Variants in ZNF35 observed in about 807,000 individuals in gnomAD.
The protein encoded by ZNF35 is zinc finger protein 35 (clone HF.10).
A neutral mutation model predicts 45.9 loss-of-function variants in ZNF35; 31 were observed. That is an observed-to-expected ratio of 0.68 (90% CI 0.51 to 0.91). The LOEUF (loss-of-function observed/expected upper bound fraction) is 0.91. ZNF35 is among the 40% of genes least tolerant of loss of function. The pLI, the probability that ZNF35 is intolerant of heterozygous loss-of-function variation, is 0.00. For synonymous variants in ZNF35, 205 were observed against 220.2 expected (o/e 0.93, Z 0.61); for missense variants, 515 against 625.4 (o/e 0.82, Z 1.88).
In ZNF35 at chr3:44,659,154, A is replaced by G; in HGVS notation, c.791A>G (p.Asn264Ser). 6.2e-7 allele frequency: 1 copy of G among 1,613,972 alleles called. No homozygotes were observed. Among genetic ancestry groups the G allele is most frequent in the Non-Finnish European group, 8.5e-7 (1 of 1,179,962 alleles). Reference sequence around the variant, plus strand: ...GGGAAGGCCTTCATTCAGAGTGCAAACCTCGTTGTGCATCAGAGAATCCAC... The same window carrying G: ...GGGAAGGCCTTCATTCAGAGTGCAAGCCTCGTTGTGCATCAGAGAATCCAC... ...ECGKAFIQSANLVVHQRIHTG... is the reference protein window; with the variant it reads ...ECGKAFIQSASLVVHQRIHTG... Residue 264 changes from asparagine to serine, a missense_variant, in exon 4 of 4, where the codon AAC becomes AGC. Asn to Ser is a conservative substitution (Grantham distance 46, BLOSUM62 1). This residue lies in a region of ZNF35 where 8 missense variants were observed against 25.1 expected (regional missense o/e 0.32). Transcript: ENST00000396056. The surrounding 1 kb of genome is among the most constrained non-coding windows in gnomAD (Gnocchi z 4.3).
chr3:44,652,531 T>C, intron 2 of ZNF35, 26 bp from the exon 3 acceptor site: 1 of 1,538,406 alleles, frequency 6.5e-7, no homozygotes. Context: ...CAGTTCCCTC[T>C]TAAACATGTG....
chr3:44,659,870 G>A lies in ZNF35; in HGVS notation c.1507G>A (p.Glu503Lys). 6.2e-7 allele frequency: 1 copy of A among 1,611,194 alleles called. No homozygotes were observed. Among genetic ancestry groups the A allele is most frequent in the South Asian group, 1.1e-5 (1 of 90,702 alleles). ...QRTHTGEKPY[E>K]CEKCGAAFIS... Reference sequence around the variant, plus strand: ...AACCCACACTGGGGAGAAGCCCTATGAATGTGAGAAGTGTGGTGCAGCTTT... The same window carrying A: ...AACCCACACTGGGGAGAAGCCCTATAAATGTGAGAAGTGTGGTGCAGCTTT... Residue 503 changes from glutamate (E) to lysine (K), a missense_variant, in exon 4 of 4, where the codon GAA becomes AAA. Glu to Lys is a moderately conservative substitution (Grantham distance 56, BLOSUM62 1). Around this residue, in one of 3 missense-constraint regions of ZNF35, gnomAD observed 232 missense variants for 304.6 expected, o/e 0.76. Coordinates refer to ENST00000396056, the MANE Select transcript of ZNF35 (RefSeq NM_003420.4). The surrounding 1 kb of genome is among the most constrained non-coding windows in gnomAD (Gnocchi z 4.3).
intron 1 of ZNF35, 42 bp from the exon 2 acceptor site, chr3:44,650,899 C>T (rs1703190331): frequency 1.5e-6 from 1 of 653,196 alleles, no homozygotes; most frequent in African/African-American, 1.8e-5. Flanking sequence ...TGGCATCCAG[C>T]AAATCTCTCC....
upstream of ZNF35, chr3:44,646,641 G>A: frequency 4.3e-6 from 3 of 703,554 alleles, no homozygotes; most frequent in Non-Finnish European, 2.6e-6. Context: ...AATTGTTCAA[G>A]CTGTCTTGAG....
Position 44,660,043 on chromosome 3 carries a change from G to A in ZNF35, c.*96G>A. On this transcript the variant is annotated 3_prime_UTR_variant, in exon 4 of 4. Transcript: ENST00000396056. Reference sequence around the variant, plus strand: ...TGTTTTCTTCCTCCTCTATAAAAGTGAGGGCTGTGTCCTTAAAAGTTATAG... The same window carrying A: ...TGTTTTCTTCCTCCTCTATAAAAGTAAGGGCTGTGTCCTTAAAAGTTATAG... The A allele has an allele frequency of 7.7e-7, 1 of 1,303,380 alleles. No homozygotes were observed. Among genetic ancestry groups the A allele is most frequent in the Non-Finnish European group, 1.0e-6 (1 of 965,962 alleles). 80.7% of individuals were successfully genotyped at this position (1,303,380 alleles called of 1,614,324 possible).
At chr3:44,656,393 AT>A (rs35391505) in intron 3 of ZNF35, among the ~76,000 whole-genome samples, 42,284 of 144,084 alleles carry the variant, frequency 0.29, 6,447 homozygotes, top group African/African-American at 0.34. Flanking sequence ...AGCATTTCAG[AT>A]TTTTTTTTTT....
At chr3:44,652,105 C>CT (rs1293507079) in intron 2 of ZNF35, among the ~76,000 whole-genome samples, 1 of 152,198 alleles carries the variant, frequency 6.6e-6, no homozygotes, top group East Asian at 1.9e-4. Context: ...TTGCACCACA[C>CT]TTTGATTCAT....
Position 44,659,440 on chromosome 3 carries a change from G to A in ZNF35, c.1077G>A (p.Glu359=), listed in dbSNP as rs758498546. The A allele has an allele frequency of 1.9e-6, 3 of 1,613,582 alleles. No homozygotes were observed. In the East Asian group the frequency reaches 6.7e-5, roughly 36 times the overall value. The change falls in exon 4 of 4, where the codon GAG becomes GAA. Residue 359 remains glutamate (E), a synonymous_variant. Transcript: ENST00000396056. The surrounding 1 kb of genome is among the most constrained non-coding windows in gnomAD (Gnocchi z 4.3). ...TCCACCAGAGGATCCACACTGGGGA[G>A]AAGCCCTTTGCCTGTAACGACTGTG... ...LIVHQRIHTG[E]KPFACNDCGK...
chr3:44,659,555 G>A lies in ZNF35; in HGVS notation c.1192G>A (p.Ala398Thr), dbSNP rs1414023237. ...KPYECKECGK[A>T]FSCFSHLIVH... ...ATATGAGTGTAAAGAGTGTGGGAAA[G>A]CCTTTAGTTGTTTTTCACACCTTAT... is the stretch of plus-strand genomic sequence containing the variant. Residue 398 changes from alanine to threonine, a missense_variant, in exon 4 of 4, where the codon GCC (alanine) becomes ACC (threonine). Coordinates refer to ENST00000396056, the MANE Select transcript of ZNF35 (RefSeq NM_003420.4). This position sits in a 1 kb window ranked among gnomAD's most constrained non-coding sequence, Gnocchi z 4.3. 1 of 1,613,890 alleles carries A rather than the reference G, an allele frequency of 6.2e-7. No individual in the cohort carries two copies. Among genetic ancestry groups the A allele is most frequent in the African/African-American group, 1.3e-5 (1 of 74,868 alleles).
upstream of ZNF35, chr3:44,647,729 A>G (rs2125832970): frequency 6.6e-6 from 1 of 152,340 alleles, no homozygotes; most frequent in East Asian, 1.9e-4. Flanking sequence ...ATATTCATAT[A>G]ACATTCTCAA....
chr3:44,650,952 C>A lies in ZNF35; in HGVS notation c.-116C>A. 1 of 984,434 alleles carries A rather than the reference C, an allele frequency of 1.0e-6. No homozygotes were observed. Among genetic ancestry groups the A allele is most frequent in the Non-Finnish European group, 1.5e-6 (1 of 675,490 alleles). 61.0% of individuals were successfully genotyped at this position (984,434 alleles called of 1,614,324 possible). A position where few individuals can be genotyped will look rare whatever the true frequency, so the allele number is the denominator to read the frequency against. Reference sequence around the variant, plus strand: ...TTCTGATTTCTCAGTAGGCAGTACTCATCTTGGCCCTGGGAAGAAACTCAA... The same window carrying A: ...TTCTGATTTCTCAGTAGGCAGTACTAATCTTGGCCCTGGGAAGAAACTCAA... On this transcript the variant is annotated 5_prime_UTR_variant, in exon 2 of 4. Coordinates refer to ENST00000396056, the MANE Select transcript of ZNF35 (RefSeq NM_003420.4).
chr3:44,651,271 C>T lies in ZNF35; in HGVS notation c.192+12C>T, dbSNP rs947456505. Reference sequence around the variant, plus strand: ...AAGAGGAAGAAAAGGTAAACGGGGGCCTGAGAGGAAGAGGGGAGGAGATAC... The same window carrying T: ...AAGAGGAAGAAAAGGTAAACGGGGGTCTGAGAGGAAGAGGGGAGGAGATAC... On this transcript the variant is annotated intron_variant, in intron 2 of 3. Transcript: ENST00000396056. The T allele has an allele frequency of 6.2e-7, 1 of 1,608,282 alleles. No homozygotes were observed. The highest frequency in any genetic ancestry group is 8.5e-7 in the Non-Finnish European group (1 of 1,177,650).
intron 1 of ZNF35, among the ~76,000 whole-genome samples, chr3:44,649,097 G>T (rs757046215): frequency 3.9e-5 from 6 of 152,222 alleles, no homozygotes; most frequent in Non-Finnish European, 7.3e-5. Flanking sequence ...GCCTATACGT[G>T]GAAAGAATGG....
Position 44,658,907 on chromosome 3 carries a change from T to C in ZNF35, c.544T>C (p.Cys182Arg). 3.7e-6 allele frequency: 6 copies of C among 1,613,142 alleles called. No individual in the cohort carries two copies. Among genetic ancestry groups the C allele is most frequent in the Non-Finnish European group, 4.2e-6 (5 of 1,179,830 alleles). ...TTTCAGACAAGTGATAGTGAATGACTGTCACTTACCTGAAAGCTTCAAAGA... is the reference window on the plus strand; with the variant it reads ...TTTCAGACAAGTGATAGTGAATGACCGTCACTTACCTGAAAGCTTCAAAGA... ...KDFRQVIVND[C>R]HLPESFKEEE... Residue 182 changes from cysteine to arginine, a missense_variant, in exon 4 of 4, where the codon TGT (cysteine) becomes CGT (arginine). Physicochemically the swap from Cys to Arg is radical, Grantham distance 180. Transcript: ENST00000396056.
Position 44,653,627 on chromosome 3 carries a change from GC to G in ZNF35, c.337+927del, listed in dbSNP as rs1395837282. Among the ~76,000 whole-genome samples, 12 of 152,320 alleles carry G rather than the reference GC, an allele frequency of 7.9e-5. No homozygotes were observed. In the South Asian group the frequency reaches 2.5e-3, roughly 32 times the overall value. On this transcript the variant is annotated intron_variant, in intron 3 of 3. Coordinates refer to ENST00000396056, the MANE Select transcript of ZNF35 (RefSeq NM_003420.4). ...TTGTGCAAATTATAGAGGATTTTGA[GC>G]AGCTGTGTTAACCATAATGATGTTC...
At chr3:44,648,454 A>G (rs990127540), upstream of ZNF35, 1 of 152,212 alleles carries the variant, frequency 6.6e-6, no homozygotes, top group African/African-American at 2.4e-5. Context: ...TCAAAATAAA[A>G]CATTTGAGGG....
chr3:44,653,542 A>G (rs1356293330), intron 3 of ZNF35, among the ~76,000 whole-genome samples: 1 of 152,240 alleles, frequency 6.6e-6, no homozygotes, highest in African/African-American at 2.4e-5. Context: ...AGGTAGGAAC[A>G]GTCAACTTTT....
chr3:44,659,108 C>T lies in ZNF35; in HGVS notation c.745C>T (p.Pro249Ser), dbSNP rs761265622. 1.1e-4 allele frequency: 178 copies of T among 1,614,054 alleles called. No individual in the cohort carries two copies. The highest frequency in any genetic ancestry group is 1.3e-4 in the Non-Finnish European group (152 of 1,180,038). Reference protein sequence around the residue: ...VHQRIHTGEKPFECHECGKAF... With the variant: ...VHQRIHTGEKSFECHECGKAF... Reference sequence around the variant, plus strand: ...TCAGCGAATCCACACTGGAGAGAAACCCTTTGAATGTCATGAGTGTGGGAA... The same window carrying T: ...TCAGCGAATCCACACTGGAGAGAAATCCTTTGAATGTCATGAGTGTGGGAA... The change falls in exon 4 of 4, where the codon CCC becomes TCC. Residue 249 changes from proline to serine, a missense_variant. Pro to Ser is a moderately conservative substitution (Grantham distance 74, BLOSUM62 -1). Around this residue, in one of 3 missense-constraint regions of ZNF35, gnomAD observed 275 missense variants for 295.7 expected, o/e 0.93. Transcript: ENST00000396056. This position sits in a 1 kb window ranked among gnomAD's most constrained non-coding sequence, Gnocchi z 4.3.
intron 3 of ZNF35, among the ~76,000 whole-genome samples, chr3:44,655,415 TAA>T (rs35965367): frequency 8.9e-5 from 13 of 145,770 alleles, no homozygotes; most frequent in Non-Finnish European, 9.1e-5. Flanking sequence ...CAGCTATCTT[TAA>T]AAAAAAAAAA....
Sources: allele counts gnomAD v4.1 joint callset (sites outside exome capture counted in the v4.1 genomes callset), GRCh38; gene constraint gnomAD v4.1.1; regional missense constraint gnomAD v4.1.1; non-coding constraint Gnocchi (gnomAD v3.1); transcripts MANE v1.5; gene names NCBI Gene and HGNC (gene_info 2026-07-23, HGNC 2026-07-21).